Variants in FER observed in about 807,000 individuals in gnomAD.
FER encodes the protein tyrosine-protein kinase Fer.
FER carries 63 observed loss-of-function variants against 111.0 expected under a neutral mutation model. That is an observed-to-expected ratio of 0.57 (90% confidence interval 0.46 to 0.70). FER has a LOEUF of 0.70. Among genes scored for constraint, FER ranks in the 30% least tolerant of loss-of-function variants. The probability of loss-of-function intolerance (pLI) is 0.00; values close to 1 mark genes in which losing one functional copy is unlikely to be tolerated. For synonymous variants in FER, 327 were observed against 313.9 expected (o/e 1.04, Z -0.44); for missense variants, 914 against 954.0 (o/e 0.96, Z 0.55).
At chr5:109,049,372 C>T (rs1772432673) in intron 16 of FER, among the ~76,000 whole-genome samples, 1 of 152,198 alleles carries the variant, frequency 6.6e-6, no homozygotes, top group African/African-American at 2.4e-5. Context: ...AATCATGTCC[C>T]TTGCAGCTAT....
At chr5:109,015,119 GA>G (rs1766315048) in intron 13 of FER, among the ~76,000 whole-genome samples, 1 of 151,962 alleles carries the variant, frequency 6.6e-6, no homozygotes, top group Admixed American at 6.6e-5. Context: ...CATACATCTT[GA>G]TTTTTTTGTA....
intron 13 of FER, among the ~76,000 whole-genome samples, chr5:108,984,131 T>C (rs925289824): frequency 1.4e-4 from 21 of 152,104 alleles, no homozygotes; most frequent in African/African-American, 5.1e-4. Flanking sequence ...TTCTGTCCTT[T>C]CCTTTGCTTG....
chr5:108,843,908 T>G (rs989097296), intron 5 of FER, among the ~76,000 whole-genome samples: 7 of 152,170 alleles, frequency 4.6e-5, no homozygotes, highest in African/African-American at 1.7e-4. Flanking sequence ...AATGATAACA[T>G]AATGAACTCC....
chr5:108,976,207 C>T (rs894364478), intron 13 of FER, among the ~76,000 whole-genome samples: 1 of 152,142 alleles, frequency 6.6e-6, no homozygotes, highest in African/African-American at 2.4e-5. Context: ...ATGTTGCTGC[C>T]TTATTTATAC....
chr5:109,005,062 G>T (rs891894394), intron 13 of FER, among the ~76,000 whole-genome samples: 1 of 152,062 alleles, frequency 6.6e-6, no homozygotes, highest in Non-Finnish European at 1.5e-5. Flanking sequence ...TAGGGATAAA[G>T]GGACAAGAGG....
At chr5:109,023,585 A>G (rs775629825) in intron 13 of FER, among the ~76,000 whole-genome samples, 18 of 152,052 alleles carry the variant, frequency 1.2e-4, no homozygotes, top group East Asian at 5.8e-4. Context: ...TTAAATGCCA[A>G]TCTATCTAAA....
intron 10 of FER, chr5:108,924,624 T>G: frequency 8.1e-7 from 1 of 1,231,554 alleles, no homozygotes; most frequent in Admixed American, 4.2e-5. Flanking sequence ...TTGACTTCCT[T>G]GGGCCCACTG....
At chr5:109,104,355 G>A (rs1022153325) in intron 17 of FER, among the ~76,000 whole-genome samples, 2 of 152,152 alleles carry the variant, frequency 1.3e-5, no homozygotes, top group Non-Finnish European at 2.9e-5. Flanking sequence ...GCCCTCAGAT[G>A]GATAGAACAA....
intron 16 of FER, among the ~76,000 whole-genome samples, chr5:109,098,541 C>CA (rs1236899588): frequency 2.0e-5 from 3 of 151,592 alleles, no homozygotes; most frequent in Admixed American, 1.3e-4. Context: ...TTTTCTAAAG[C>CA]AGTTACATAT....
intron 8 of FER, among the ~76,000 whole-genome samples, chr5:108,877,099 C>G (rs916139502): frequency 1.3e-5 from 2 of 152,144 alleles, no homozygotes; most frequent in Admixed American, 6.5e-5. Flanking sequence ...TTAACCCATC[C>G]AACTATCTGA....
intron 10 of FER, among the ~76,000 whole-genome samples, chr5:108,945,192 A>G (rs1415212610): frequency 1.3e-5 from 2 of 152,172 alleles, no homozygotes; most frequent in Admixed American, 1.3e-4. Context: ...GCTGGAAGAC[A>G]TACGGAATTA....
intron 16 of FER, chr5:109,051,771 G>A (rs758863709): frequency 1.9e-5 from 30 of 1,577,122 alleles, no homozygotes; most frequent in African/African-American, 5.4e-5. Context: ...TGAAGAAAAC[G>A]TAGAAGAGTT....
At chr5:109,009,088 T>A (rs1294190609) in intron 13 of FER, among the ~76,000 whole-genome samples, 1 of 148,926 alleles carries the variant, frequency 6.7e-6, no homozygotes, top group African/African-American at 2.5e-5. Context: ...CACTCTGTTG[T>A]CTAGGCTGGA....
intron 13 of FER, among the ~76,000 whole-genome samples, chr5:108,977,852 T>A (rs1761567460): frequency 6.6e-6 from 1 of 152,076 alleles, no homozygotes; most frequent in African/African-American, 2.4e-5. Flanking sequence ...TTCTCTCTTC[T>A]CTCTCTTTTG....
intron 3 of FER, among the ~76,000 whole-genome samples, chr5:108,808,011 A>G (rs962309519): frequency 7.2e-6 from 1 of 139,020 alleles, no homozygotes; most frequent in Non-Finnish European, 1.6e-5. Context: ...TTTTTTTTTT[A>G]ATTTACTGGG....
chr5:109,009,634 C>T (rs753090627), intron 13 of FER, among the ~76,000 whole-genome samples: 10 of 152,182 alleles, frequency 6.6e-5, no homozygotes, highest in Non-Finnish European at 1.3e-4. Context: ...GACACAATTC[C>T]GTTTGTCCTT....
At chr5:108,750,848 T>TA (rs1330282794) in intron 1 of FER, among the ~76,000 whole-genome samples, 3 of 152,192 alleles carry the variant, frequency 2.0e-5, no homozygotes, top group African/African-American at 7.2e-5. Flanking sequence ...AGACCACTGT[T>TA]ACACAGTAAA....
intron 5 of FER, among the ~76,000 whole-genome samples, chr5:108,850,833 GACAA>G (rs913973482): frequency 4.6e-5 from 7 of 152,132 alleles, no homozygotes; most frequent in Non-Finnish European, 7.4e-5. Context: ...ATTTCTCATA[GACAA>G]ACAGTTTTCA....
At chr5:109,054,040 T>C (rs1018226166) in intron 16 of FER, among the ~76,000 whole-genome samples, 2 of 152,256 alleles carry the variant, frequency 1.3e-5, no homozygotes, top group East Asian at 3.9e-4. Flanking sequence ...CAACTGTTGA[T>C]AGACTTTTGG....
Sources: gnomAD v4.1 joint callset for allele counts (sites outside exome capture counted in the v4.1 genomes callset) on GRCh38, gnomAD v4.1.1 for gene constraint, MANE v1.5 for transcripts, NCBI Gene and HGNC (gene_info 2026-07-23, HGNC 2026-07-21) for gene names.